Variants in GRM5 observed in about 807,000 individuals in gnomAD.
GRM5 encodes glutamate metabotropic receptor 5.
A neutral mutation model predicts 83.1 loss-of-function variants in GRM5; 19 were observed. That is an observed-to-expected ratio of 0.23 (90% CI 0.16 to 0.34). The LOEUF (loss-of-function observed/expected upper bound fraction) is 0.34. Among genes scored for constraint, GRM5 ranks in the 10% least tolerant of loss-of-function variants. GRM5 has a pLI of 1.00. For missense variants in GRM5, 1,160 were observed against 1,588.3 expected (o/e 0.73, Z 4.58); for synonymous variants, 675 against 633.6 (o/e 1.07, Z -0.98).
chr11:88,638,933 A>T (rs1939214742), intron 4 of GRM5, among the ~76,000 whole-genome samples: 1 of 151,536 alleles, frequency 6.6e-6, no homozygotes, highest in South Asian at 2.1e-4. Flanking sequence ...AATTTTATTG[A>T]ATTTTCTCTA....
chr11:89,052,609 C>A (rs142588897), intron 1 of GRM5, among the ~76,000 whole-genome samples: 1 of 152,184 alleles, frequency 6.6e-6, no homozygotes, highest in African/African-American at 2.4e-5. Context: ...TACCAAGAAT[C>A]CTTATAACAA....
intron 3 of GRM5, among the ~76,000 whole-genome samples, chr11:88,680,613 A>G (rs1940454664): frequency 6.6e-6 from 1 of 152,192 alleles, no homozygotes; most frequent in African/African-American, 2.4e-5. Flanking sequence ...CATTTGACCC[A>G]GCCATCCCAT....
intron 2 of GRM5, among the ~76,000 whole-genome samples, chr11:89,039,353 C>T (rs1281870901): frequency 2.6e-5 from 4 of 151,794 alleles, no homozygotes; most frequent in Admixed American, 6.6e-5. Flanking sequence ...TGATTGTCAA[C>T]ATTGGGAATT....
intron 8 of GRM5, among the ~76,000 whole-genome samples, chr11:88,550,987 G>A (rs1398653220): frequency 2.0e-5 from 3 of 152,056 alleles, no homozygotes; most frequent in Non-Finnish European, 4.4e-5. Context: ...CTTATAAAAT[G>A]GGGATACTAA....
intron 8 of GRM5, 104 bp from the exon 9 acceptor site, chr11:88,525,508 C>T: frequency 1.4e-6 from 1 of 702,278 alleles, no homozygotes; most frequent in East Asian, 2.5e-5. Flanking sequence ...CACTCTGTGC[C>T]AAAATGGGGG....
At chr11:88,669,088 C>T (rs565822889) in intron 3 of GRM5, among the ~76,000 whole-genome samples, 1 of 152,076 alleles carries the variant, frequency 6.6e-6, no homozygotes, top group South Asian at 2.1e-4. Context: ...TATATACACC[C>T]TCATGTTCAT....
At chr11:88,984,669 A>G (rs1157279693) in intron 2 of GRM5, 1 of 514,146 alleles carries the variant, frequency 1.9e-6, no homozygotes, top group East Asian at 3.1e-5. Context: ...AACTTGTAAG[A>G]CCTATATATT....
intron 3 of GRM5, among the ~76,000 whole-genome samples, chr11:88,846,877 A>G (rs1944310984): frequency 1.3e-5 from 2 of 152,294 alleles, no homozygotes; most frequent in South Asian, 2.1e-4. Flanking sequence ...AATTAAAATT[A>G]AAAATTTGAA....
At chr11:88,975,876 T>C (rs1274217456) in intron 2 of GRM5, among the ~76,000 whole-genome samples, 1 of 152,210 alleles carries the variant, frequency 6.6e-6, no homozygotes, top group African/African-American at 2.4e-5. Context: ...AGTTTCCCCA[T>C]GTATAAAATG....
intron 8 of GRM5, among the ~76,000 whole-genome samples, chr11:88,557,783 G>A (rs1473320769): frequency 6.0e-5 from 9 of 149,802 alleles, no homozygotes; most frequent in African/African-American, 2.2e-4. Flanking sequence ...TTTAAGTTCT[G>A]GGGTACATGT....
intron 3 of GRM5, among the ~76,000 whole-genome samples, chr11:88,779,488 C>T (rs916074015): frequency 6.6e-6 from 1 of 152,130 alleles, no homozygotes; most frequent in East Asian, 1.9e-4. Context: ...GCTCAGTTTT[C>T]CTGCTGTTTA....
chr11:88,933,434 G>A (rs1376995936), intron 2 of GRM5, among the ~76,000 whole-genome samples: 2 of 151,672 alleles, frequency 1.3e-5, no homozygotes, highest in African/African-American at 4.8e-5. Flanking sequence ...CTGATGTATT[G>A]AGACCAAATT....
intron 3 of GRM5, among the ~76,000 whole-genome samples, chr11:88,669,494 TA>T (rs1314825113): frequency 1.3e-5 from 2 of 151,822 alleles, no homozygotes; most frequent in African/African-American, 4.8e-5. Context: ...AGAAAAGAAA[TA>T]AAAAGGAGTA....
At chr11:88,845,209 A>C (rs1022669437) in intron 3 of GRM5, among the ~76,000 whole-genome samples, 3 of 152,044 alleles carry the variant, frequency 2.0e-5, no homozygotes, top group African/African-American at 4.8e-5. Flanking sequence ...TGCCACAGCC[A>C]CTGCCACCTT....
intron 2 of GRM5, among the ~76,000 whole-genome samples, chr11:88,967,928 G>C (rs1939036930): frequency 6.6e-6 from 1 of 152,036 alleles, no homozygotes; most frequent in Non-Finnish European, 1.5e-5. Flanking sequence ...AAAAAGTGAA[G>C]ACTACACCTA....
intron 7 of GRM5, among the ~76,000 whole-genome samples, chr11:88,574,136 A>G (rs2135182735): frequency 6.6e-6 from 1 of 152,308 alleles, no homozygotes; most frequent in Non-Finnish European, 1.5e-5. Context: ...CCCTGATGAT[A>G]GGGAGTTTGT....
At chr11:88,914,249 A>G (rs757725307) in intron 2 of GRM5, among the ~76,000 whole-genome samples, 1 of 152,134 alleles carries the variant, frequency 6.6e-6, no homozygotes, top group African/African-American at 2.4e-5. Context: ...TCAAATTTCT[A>G]TCTTTGAGAC....
intron 9 of GRM5, among the ~76,000 whole-genome samples, chr11:88,510,370 T>G (rs1438470720): frequency 6.6e-6 from 1 of 152,206 alleles, no homozygotes; most frequent in Non-Finnish European, 1.5e-5. Flanking sequence ...TGAAAGCCAC[T>G]CTCAAGATGT....
intron 3 of GRM5, among the ~76,000 whole-genome samples, chr11:88,770,420 CTG>C (rs375854882): frequency 4.3e-4 from 65 of 152,078 alleles, no homozygotes; most frequent in African/African-American, 1.3e-3. Flanking sequence ...ATAATAAACT[CTG>C]TGTATGTCAG....
Sources: gnomAD v4.1 joint callset for allele counts (sites outside exome capture counted in the v4.1 genomes callset) on GRCh38, gnomAD v4.1.1 for gene constraint, MANE v1.5 for transcripts, NCBI Gene and HGNC (gene_info 2026-07-23, HGNC 2026-07-21) for gene names.